The following KCNG3 variants were observed in gnomAD, a reference collection of about 807,000 sequenced individuals.
KCNG3 encodes the protein potassium voltage-gated channel modifier subfamily G member 3.
In KCNG3, 15 loss-of-function variants were observed where a neutral mutation model predicts 29.0. The observed-to-expected ratio is 0.52, with a 90% confidence interval of 0.35 to 0.80. The LOEUF is 0.80. Among genes scored for constraint, KCNG3 ranks in the 30% least tolerant of loss-of-function variants. The probability of loss-of-function intolerance (pLI) is 0.01; values close to 1 mark genes in which losing one functional copy is unlikely to be tolerated. For missense variants in KCNG3, 512 were observed against 605.7 expected, an observed-to-expected ratio of 0.85 and a Z score of 1.62; for synonymous variants, 322 against 248.9, an observed-to-expected ratio of 1.29 and a Z score of -2.76.
the KCNG3 span, among the ~76,000 whole-genome samples, chr2:42,403,123 GTCTC>G: frequency 3.9e-5 from 6 of 152,178 alleles, no homozygotes; most frequent in Admixed American, 6.6e-5. Flanking sequence ...AATGTGAATG[GTCTC>G]TCTCTTATTG....
chr2:42,407,773 C>A, the KCNG3 span, among the ~76,000 whole-genome samples: 104 of 152,188 alleles, frequency 6.8e-4, no homozygotes, highest in African/African-American at 2.4e-3. Flanking sequence ...TTGCAGGTGC[C>A]AAAAGCAAGC....
chr2:42,428,472 A>G, the KCNG3 span, among the ~76,000 whole-genome samples: 2,221 of 149,576 alleles, frequency 0.015, 69 homozygotes, highest in African/African-American at 0.05. Context: ...AAAAAAAAAA[A>G]AAAAAAGAAA....
At chr2:42,395,644 G>A in the KCNG3 span, among the ~76,000 whole-genome samples, 2 of 152,144 alleles carry the variant, frequency 1.3e-5, no homozygotes, top group African/African-American at 4.8e-5. Flanking sequence ...ATCATAAATT[G>A]AAAATGTTGT....
chr2:42,440,732 C>T (rs1401578961), downstream of KCNG3, among the ~76,000 whole-genome samples: 1 of 152,192 alleles, frequency 6.6e-6, no homozygotes, highest in East Asian at 1.9e-4. Context: ...ACAAATGCAA[C>T]TGTTTCAATT....
intron 1 of KCNG3, among the ~76,000 whole-genome samples, chr2:42,467,893 C>T (rs7574238): frequency 0.12 from 17,591 of 150,512 alleles, 1,349 homozygotes; most frequent in South Asian, 0.22. Flanking sequence ...TCACCCGAGC[C>T]TGGAGAGATT....
chr2:42,458,999 C>A (rs1030354886), intron 1 of KCNG3, among the ~76,000 whole-genome samples: 4 of 152,034 alleles, frequency 2.6e-5, no homozygotes, highest in Non-Finnish European at 5.9e-5. Flanking sequence ...GAGTTCAAGA[C>A]GAGTCCGACC....
chr2:42,413,450 T>C, the KCNG3 span, among the ~76,000 whole-genome samples: 1 of 152,218 alleles, frequency 6.6e-6, no homozygotes. Flanking sequence ...CATTTTTCTT[T>C]CTCTCTTGCA....
In KCNG3 at chr2:42,493,665, G is replaced by A. The variant is rs2103622583; in HGVS notation, c.-164C>T. The A allele has an allele frequency of 2.0e-6, 1 of 490,866 alleles. No homozygotes were observed. Among genetic ancestry groups the A allele is most frequent in the East Asian group, 3.9e-5 (1 of 25,540 alleles). 30.4% of individuals were successfully genotyped at this position (490,866 alleles called of 1,614,324 possible). ...GCCCTCCGCTGGCCCGGGGGTCCCT[G>A]GGCTCGAGTATCTCCGGCGCTGCTA... On this transcript the variant is annotated 5_prime_UTR_variant, in exon 1 of 2. Coordinates refer to ENST00000306078, the MANE Select transcript of KCNG3 (RefSeq NM_133329.6).
chr2:42,487,637 G>A (rs905899834), intron 1 of KCNG3, among the ~76,000 whole-genome samples: 3 of 152,084 alleles, frequency 2.0e-5, no homozygotes, highest in East Asian at 1.9e-4. Flanking sequence ...GCAGAAACAC[G>A]CTCTCTCCTA....
chr2:42,426,159 G>T, the KCNG3 span, among the ~76,000 whole-genome samples: 1 of 152,128 alleles, frequency 6.6e-6, no homozygotes. Context: ...CCCATTTAAA[G>T]ATACTATTAA....
In KCNG3 at chr2:42,493,710, G is replaced by C. The variant is rs1391815961; in HGVS notation, c.-209C>G. 8.2e-6 allele frequency: 3 copies of C among 366,202 alleles called. No homozygotes were observed. The highest frequency in any genetic ancestry group is 9.5e-6 in the Non-Finnish European group (2 of 210,032). 22.7% of individuals were successfully genotyped at this position (366,202 alleles called of 1,614,324 possible). A position where few individuals can be genotyped will look rare whatever the true frequency, so the allele number is the denominator to read the frequency against. On this transcript the variant is annotated 5_prime_UTR_variant, in exon 1 of 2. Transcript: ENST00000306078. ...CTGCTAGTAGCGCGCCCTCCGCCCG[G>C]CGGTACCTGCGGGTGGCCGGGGAGT...
chr2:42,401,841 G>A, the KCNG3 span, among the ~76,000 whole-genome samples: 14 of 152,206 alleles, frequency 9.2e-5, no homozygotes, highest in South Asian at 2.5e-3. Flanking sequence ...CCAAGCTTGC[G>A]CCACTGTACT....
At chr2:42,435,115 C>A in the KCNG3 span, among the ~76,000 whole-genome samples, 2 of 152,132 alleles carry the variant, frequency 1.3e-5, no homozygotes, top group East Asian at 3.9e-4. Context: ...CCAGCCTAGT[C>A]AACATGGGGA....
chr2:42,390,422 G>C, the KCNG3 span, among the ~76,000 whole-genome samples: 1 of 152,280 alleles, frequency 6.6e-6, no homozygotes, highest in Non-Finnish European at 1.5e-5. Flanking sequence ...ATTTTCCGTA[G>C]CTCTACAATG....
At chr2:42,396,670 C>G in the KCNG3 span, among the ~76,000 whole-genome samples, 10 of 152,104 alleles carry the variant, frequency 6.6e-5, no homozygotes, top group Non-Finnish European at 1.5e-5. Context: ...AGTTCACGCC[C>G]AAACTTCAAG....
chr2:42,458,627 C>T (rs1672938061), intron 1 of KCNG3, among the ~76,000 whole-genome samples: 1 of 152,146 alleles, frequency 6.6e-6, no homozygotes, highest in African/African-American at 2.4e-5. Flanking sequence ...TTTCTGACTC[C>T]TTTTGGCATA....
At chr2:42,424,326 G>A in the KCNG3 span, among the ~76,000 whole-genome samples, 1 of 151,826 alleles carries the variant, frequency 6.6e-6, no homozygotes, top group Non-Finnish European at 1.5e-5. Flanking sequence ...ATTTACAGGG[G>A]ACAGAGATGA....
At chr2:42,419,813 C>T in the KCNG3 span, among the ~76,000 whole-genome samples, 3 of 152,222 alleles carry the variant, frequency 2.0e-5, no homozygotes, top group Non-Finnish European at 2.9e-5. Flanking sequence ...AGGTCATGTG[C>T]ATCAGGGTTA....
rs141470417 is a variant in KCNG3 at position 42,477,380 on chromosome 2, CATATAT to C, written c.665+15451_665+15456del. On this transcript the variant is annotated intron_variant, in intron 1 of 1. Transcript: ENST00000306078. ...GTGTATATACATATATATACACACACATATATATACACACACACACACACACACACA... is the reference window on the plus strand; with the variant it reads ...GTGTATATACATATATATACACACACATACACACACACACACACACACACA... Among the ~76,000 whole-genome samples, 68 of 113,242 alleles carry C rather than the reference CATATAT, an allele frequency of 6.0e-4. 6 individuals carry two copies. The highest frequency in any genetic ancestry group is 5.2e-3 in the Middle Eastern group (1 of 192). The allele number at this position is 113,242 out of a possible 152,430, so 74.3% of individuals were successfully genotyped here. A position where few individuals can be genotyped will look rare whatever the true frequency, so the allele number is the denominator to read the frequency against.
Sources: gnomAD v4.1 joint callset for allele counts (sites outside exome capture counted in the v4.1 genomes callset) on GRCh38, gnomAD v4.1.1 for gene constraint, MANE v1.5 for transcripts, NCBI Gene and HGNC (gene_info 2026-07-23, HGNC 2026-07-21) for gene names.